Variants in CREB5 observed in about 807,000 individuals in gnomAD.
The protein encoded by CREB5 is cAMP responsive element binding protein 5, also known as cyclic AMP-responsive element-binding protein 5.
A neutral mutation model predicts 57.1 loss-of-function variants in CREB5; 19 were observed. That is an observed-to-expected ratio of 0.33 (90% confidence interval 0.23 to 0.49). The LOEUF (loss-of-function observed/expected upper bound fraction) is 0.49. Among genes scored for constraint, CREB5 ranks in the 20% least tolerant of loss-of-function variants. The pLI, the probability that CREB5 is intolerant of heterozygous loss-of-function variation, is 0.99. For synonymous variants in CREB5, 238 were observed against 238.3 expected (o/e 1.00, Z 0.01); for missense variants, 579 against 671.6 (o/e 0.86, Z 1.52).
intron 4 of CREB5, among the ~76,000 whole-genome samples, chr7:28,523,445 CT>C (rs1476878892): frequency 6.6e-6 from 1 of 152,154 alleles, no homozygotes; most frequent in Non-Finnish European, 1.5e-5. Flanking sequence ...AGGCTACATT[CT>C]ATTAGAGGAA....
chr7:28,567,067 T>C (rs1159134909), intron 4 of CREB5, among the ~76,000 whole-genome samples: 2 of 152,334 alleles, frequency 1.3e-5, no homozygotes, highest in South Asian at 2.1e-4. Flanking sequence ...TAAGTCAGTT[T>C]TCTTTGTCTT....
chr7:28,812,741 C>T (rs890662107), intron 9 of CREB5, among the ~76,000 whole-genome samples: 6 of 152,158 alleles, frequency 3.9e-5, no homozygotes, highest in African/African-American at 1.4e-4. Context: ...CTGCAGATTC[C>T]GCTACCTTTG....
At chr7:28,726,383 A>T (rs1583621646) in intron 7 of CREB5, among the ~76,000 whole-genome samples, 1 of 152,162 alleles carries the variant, frequency 6.6e-6, no homozygotes, top group Non-Finnish European at 1.5e-5. Flanking sequence ...GTGAATTTGA[A>T]TATGTCACTC....
chr7:28,571,980 G>A (rs2128649658), intron 5 of CREB5, among the ~76,000 whole-genome samples: 1 of 152,322 alleles, frequency 6.6e-6, no homozygotes, highest in East Asian at 1.9e-4. Context: ...TATTGGAAGT[G>A]ATAATTAAAA....
rs114988651 is a variant in CREB5, at chr7:28,493,199, C to T, written c.76-1707C>T. On this transcript the variant is annotated intron_variant, in intron 2 of 10. Coordinates refer to ENST00000357727, the MANE Select transcript of CREB5 (RefSeq NM_182898.4). ...CAAAGGTAATTAAAACTTATATTGACTATCCTGAGGAATTAGAAAGCTCTG... is the reference window on the plus strand; with the variant it reads ...CAAAGGTAATTAAAACTTATATTGATTATCCTGAGGAATTAGAAAGCTCTG... Among the ~76,000 whole-genome samples the T allele has an allele frequency of 3.6e-3, 552 of 152,296 alleles. 1 individual carries two copies. Among genetic ancestry groups the T allele is most frequent in the African/African-American group, 0.013 (529 of 41,568 alleles).
upstream of CREB5, chr7:28,410,203 G>A (rs752516679): frequency 5.5e-5 from 25 of 452,192 alleles, no homozygotes; most frequent in South Asian, 3.9e-4. Flanking sequence ...CTTGGCTTTC[G>A]CTCCAGGCGC....
chr7:28,327,338 A>G (rs898360570), intron 1 of CREB5, among the ~76,000 whole-genome samples: 3 of 152,108 alleles, frequency 2.0e-5, no homozygotes, highest in Non-Finnish European at 2.9e-5. Context: ...GCATTTTGTC[A>G]TGTACCTCAG....
At chr7:28,493,638 G>T (rs993892836) in intron 2 of CREB5, among the ~76,000 whole-genome samples, 2 of 152,164 alleles carry the variant, frequency 1.3e-5, no homozygotes, top group Non-Finnish European at 2.9e-5. Context: ...GCCCCTGGGT[G>T]ACATGTCACT....
At chr7:28,489,226 G>A (rs1791695011) in intron 2 of CREB5, among the ~76,000 whole-genome samples, 1 of 151,784 alleles carries the variant, frequency 6.6e-6, no homozygotes, top group African/African-American at 2.4e-5. Flanking sequence ...GGTGGGGTTG[G>A]CAGTAGAGCA....
chr7:28,643,777 A>AAC (rs1248120758), intron 5 of CREB5, among the ~76,000 whole-genome samples: 1 of 145,826 alleles, frequency 6.9e-6, no homozygotes, highest in African/African-American at 2.5e-5. Context: ...AAAAAAAAAA[A>AAC]ACACACAAAC....
intron 5 of CREB5, among the ~76,000 whole-genome samples, chr7:28,675,255 G>C (rs764003233): frequency 6.6e-6 from 1 of 151,988 alleles, no homozygotes; most frequent in East Asian, 1.9e-4. Context: ...TATCTCTTTC[G>C]ACCCATTAGA....
At chr7:28,786,817 G>A (rs531307839) in intron 7 of CREB5, among the ~76,000 whole-genome samples, 1 of 152,124 alleles carries the variant, frequency 6.6e-6, no homozygotes, top group Admixed American at 6.6e-5. Flanking sequence ...TGGAGTCTGC[G>A]CCTCTTCTCC....
chr7:28,657,406 C>T (rs1799372654), intron 5 of CREB5, among the ~76,000 whole-genome samples: 1 of 152,142 alleles, frequency 6.6e-6, no homozygotes, highest in Admixed American at 6.5e-5. Flanking sequence ...CCACCACCCC[C>T]ACCACCATAT....
chr7:28,725,508 G>A (rs940894858), intron 7 of CREB5, among the ~76,000 whole-genome samples: 6 of 152,182 alleles, frequency 3.9e-5, no homozygotes, highest in Non-Finnish European at 7.4e-5. Context: ...TTGCAGCAAA[G>A]CTCGTTAAAT....
chr7:28,574,429 T>A (rs1795827172), intron 5 of CREB5, among the ~76,000 whole-genome samples: 1 of 152,216 alleles, frequency 6.6e-6, no homozygotes, highest in Non-Finnish European at 1.5e-5. Context: ...TTGTTTCTTA[T>A]CATCTAAGAC....
At position 28,605,996 on chromosome 7, in the gene CREB5, C is replaced by T. The variant is rs191645925; in HGVS notation, c.464+35459C>T. Among the ~76,000 whole-genome samples, 11 of 152,228 alleles carry T rather than the reference C, an allele frequency of 7.2e-5. No individual in the cohort carries two copies. The East Asian group carries it at 1.4e-3, about 19-fold the overall frequency. On this transcript the variant is annotated intron_variant, in intron 5 of 10. Coordinates refer to ENST00000357727, the MANE Select transcript of CREB5 (RefSeq NM_182898.4). Reference sequence around the variant, plus strand: ...TAAAACTCAACGACTGAACACTTGACGTGGATAAATTTCACTATATGCAAT... The same window carrying T: ...TAAAACTCAACGACTGAACACTTGATGTGGATAAATTTCACTATATGCAAT...
chr7:28,459,000 T>G (rs177579), intron 1 of CREB5, among the ~76,000 whole-genome samples: 2 of 152,036 alleles, frequency 1.3e-5, no homozygotes, highest in African/African-American at 4.8e-5. Flanking sequence ...GGGTCGATGT[T>G]GTGCAGATCT....
intron 1 of CREB5, among the ~76,000 whole-genome samples, chr7:28,423,621 T>C (rs1788368618): frequency 6.8e-6 from 1 of 147,272 alleles, no homozygotes; most frequent in South Asian, 2.2e-4. Context: ...AGTAAGAAAG[T>C]CTGGGTCATC....
intron 5 of CREB5, among the ~76,000 whole-genome samples, chr7:28,589,196 TCTAA>T (rs1394751125): frequency 6.6e-6 from 1 of 152,232 alleles, no homozygotes; most frequent in Non-Finnish European, 1.5e-5. Context: ...TTGATGCATT[TCTAA>T]GTAAGTTGCA....
Sources: allele counts gnomAD v4.1 joint callset (sites outside exome capture counted in the v4.1 genomes callset), GRCh38; gene constraint gnomAD v4.1.1; transcripts MANE v1.5; gene names NCBI Gene and HGNC (gene_info 2026-07-23, HGNC 2026-07-21).